TACR3: variants seen among roughly 807,000 people sequenced by gnomAD.
TACR3 encodes tachykinin receptor 3.
TACR3 carries 34 observed loss-of-function variants against 35.0 expected under a neutral mutation model. That is an observed-to-expected ratio of 0.97 (90% CI 0.74 to 1.30). The LOEUF (loss-of-function observed/expected upper bound fraction) is 1.30. TACR3 is among the 50% of genes most tolerant of loss of function. The pLI, the probability that TACR3 is intolerant of heterozygous loss-of-function variation, is 0.00. For missense variants in TACR3, 558 were observed against 591.7 expected, an observed-to-expected ratio of 0.94 and a Z score of 0.59; for synonymous variants, 233 against 221.1, an observed-to-expected ratio of 1.05 and a Z score of -0.48.
intron 1 of TACR3, among the ~76,000 whole-genome samples, chr4:103,673,934 T>C (rs1300571048): frequency 6.6e-6 from 1 of 152,228 alleles, no homozygotes; most frequent in Non-Finnish European, 1.5e-5. Context: ...TCCAAATGTG[T>C]ACAACTCCAT....
intron 1 of TACR3, among the ~76,000 whole-genome samples, chr4:103,687,292 G>A (rs12645988): frequency 0.15 from 22,804 of 151,682 alleles, 2,223 homozygotes; most frequent in East Asian, 0.43. Flanking sequence ...CCAATATCAT[G>A]CTGAATGGGC....
At chr4:103,599,859 G>A (rs1456290206) in intron 3 of TACR3, among the ~76,000 whole-genome samples, 3 of 152,148 alleles carry the variant, frequency 2.0e-5, no homozygotes, top group Non-Finnish European at 2.9e-5. Flanking sequence ...CGGTTTGCCA[G>A]TATTTTATTG....
intron 3 of TACR3, among the ~76,000 whole-genome samples, chr4:103,592,917 G>A (rs997940161): frequency 6.6e-6 from 1 of 152,170 alleles, no homozygotes; most frequent in Non-Finnish European, 1.5e-5. Context: ...TACCATCCAG[G>A]TGGCCAGCAT....
chr4:103,617,130 GAATA>G (rs1385733863), intron 3 of TACR3, among the ~76,000 whole-genome samples: 1 of 151,996 alleles, frequency 6.6e-6, no homozygotes, highest in African/African-American at 2.4e-5. Flanking sequence ...TGAGACATGT[GAATA>G]AATAGAAAAA....
chr4:103,650,659 TATATAAATAA>T (rs1725577658), intron 3 of TACR3, among the ~76,000 whole-genome samples: 1 of 43,044 alleles, frequency 2.3e-5, no homozygotes, highest in Non-Finnish European at 3.5e-5. Flanking sequence ...TATATAAATA[TATATAAATAA>T]ATATATATTA....
At chr4:103,639,533 T>C (rs1431222929) in intron 3 of TACR3, among the ~76,000 whole-genome samples, 1 of 152,028 alleles carries the variant, frequency 6.6e-6, no homozygotes. Context: ...ATGGCACATG[T>C]ATACATATGT....
At chr4:103,599,880 C>G (rs575020236) in intron 3 of TACR3, among the ~76,000 whole-genome samples, 45 of 152,232 alleles carry the variant, frequency 3.0e-4, no homozygotes, top group Middle Eastern at 3.4e-3. Flanking sequence ...AGGATTTTTG[C>G]ATCAATGTTC....
At chr4:103,630,928 C>T (rs1014900770) in intron 3 of TACR3, among the ~76,000 whole-genome samples, 2 of 152,166 alleles carry the variant, frequency 1.3e-5, no homozygotes, top group Non-Finnish European at 2.9e-5. Flanking sequence ...TTGGAACCAA[C>T]CCAAATGTCC....
chr4:103,681,596 G>A (rs749801422), intron 1 of TACR3, among the ~76,000 whole-genome samples: 3 of 151,932 alleles, frequency 2.0e-5, no homozygotes, highest in Non-Finnish European at 2.9e-5. Context: ...ACATAATAAC[G>A]GTGCTTCAAA....
Position 103,617,859 on chromosome 4 carries a change from G to A in TACR3, c.889-26176C>T, listed in dbSNP as rs199870368. ...TAAGTAATGACTTAAATAGAGGAAT[G>A]AACTTAACTAGTATCATTTTGAAAG... On this transcript the variant is annotated intron_variant, in intron 3 of 4. Transcript: ENST00000304883. 1.2e-4 allele frequency among the ~76,000 whole-genome samples: 18 copies of A among 152,232 alleles called. No homozygotes were observed. The East Asian group carries it at 2.1e-3, about 18-fold the overall frequency.
intron 3 of TACR3, among the ~76,000 whole-genome samples, chr4:103,651,580 C>T (rs1725619055): frequency 6.7e-6 from 1 of 150,370 alleles, no homozygotes; most frequent in Non-Finnish European, 1.5e-5. Context: ...TGTGCTCTAC[C>T]TCCTTGTGGC....
intron 1 of TACR3, among the ~76,000 whole-genome samples, chr4:103,709,592 C>A (rs1722888906): frequency 6.6e-6 from 1 of 152,138 alleles, no homozygotes; most frequent in African/African-American, 2.4e-5. Flanking sequence ...GAAGAAACTG[C>A]ATCAACTAAC....
At chr4:103,709,175 G>A (rs1016047246) in intron 1 of TACR3, among the ~76,000 whole-genome samples, 3 of 152,090 alleles carry the variant, frequency 2.0e-5, no homozygotes, top group African/African-American at 7.2e-5. Context: ...GATACTCCTC[G>A]AGAAGAGCAA....
chr4:103,687,255 T>C (rs931919979), intron 1 of TACR3, among the ~76,000 whole-genome samples: 5 of 152,122 alleles, frequency 3.3e-5, no homozygotes, highest in Admixed American at 1.3e-4. Context: ...CTCAAAATAA[T>C]AAGAGCTATC....
At chr4:103,654,671 A>G (rs11724174) in intron 3 of TACR3, among the ~76,000 whole-genome samples, 23,297 of 151,486 alleles carry the variant, frequency 0.15, 1,976 homozygotes, top group African/African-American at 0.18. Context: ...CATTGTGCAC[A>G]TGTACCCTAA....
chr4:103,604,606 T>C (rs1724302477), intron 3 of TACR3, among the ~76,000 whole-genome samples: 2 of 152,058 alleles, frequency 1.3e-5, no homozygotes, highest in South Asian at 4.1e-4. Flanking sequence ...ACAGGCAACT[T>C]ATAGAATGGG....
chr4:103,655,710 G>C (rs1398560007), intron 3 of TACR3, among the ~76,000 whole-genome samples: 1 of 151,952 alleles, frequency 6.6e-6, no homozygotes, highest in Non-Finnish European at 1.5e-5. Context: ...AGAACACACA[G>C]AGAAAGTGAG....
chr4:103,683,494 AAG>A (rs1203021985), intron 1 of TACR3, among the ~76,000 whole-genome samples: 3 of 132,714 alleles, frequency 2.3e-5, no homozygotes, highest in African/African-American at 3.5e-5. Context: ...AAAAAAAAAA[AAG>A]AGAGAGAGAA....
intron 3 of TACR3, among the ~76,000 whole-genome samples, chr4:103,630,191 A>AG (rs1193437654): frequency 2.0e-5 from 3 of 152,020 alleles, no homozygotes; most frequent in Admixed American, 6.6e-5. Context: ...AATTAATTCA[A>AG]ATGGATTAAA....
Sources: gnomAD v4.1 joint callset for allele counts (sites outside exome capture counted in the v4.1 genomes callset) on GRCh38, gnomAD v4.1.1 for gene constraint, MANE v1.5 for transcripts, NCBI Gene and HGNC (gene_info 2026-07-23, HGNC 2026-07-21) for gene names.